Variants in TSG101 observed in about 807,000 individuals in gnomAD.
TSG101 encodes tumor susceptibility 101, also known as tumor susceptibility gene 101 protein.
TSG101 carries 19 observed loss-of-function variants against 48.5 expected under a neutral mutation model. The ratio of observed to expected loss-of-function variants is 0.39; its 90% confidence interval spans 0.27 to 0.58. The LOEUF is 0.58. Ranked by LOEUF, TSG101 falls within the 20% of genes least tolerant of loss-of-function variation. The pLI is 0.55. For missense variants in TSG101, 365 were observed against 484.4 expected, an observed-to-expected ratio of 0.75 and a Z score of 2.31; for synonymous variants, 174 against 169.4, an observed-to-expected ratio of 1.03 and a Z score of -0.21.
chr11:18,493,976 C>G (rs576861436), intron 7 of TSG101, among the ~76,000 whole-genome samples: 2 of 152,216 alleles, frequency 1.3e-5, no homozygotes, highest in Non-Finnish European at 2.9e-5. Flanking sequence ...GAAAAATGCG[C>G]TTTACTTGAG....
At chr11:18,507,763 C>T (rs1376940737) in intron 5 of TSG101, 2 of 152,110 alleles carry the variant, frequency 1.3e-5, no homozygotes, top group East Asian at 1.9e-4. Flanking sequence ...GAATACTGCA[C>T]TTCCAATGTC....
chr11:18,485,198 CA>C (rs967710853), intron 7 of TSG101, among the ~76,000 whole-genome samples: 1 of 152,078 alleles, frequency 6.6e-6, no homozygotes, highest in African/African-American at 2.4e-5. Flanking sequence ...TCTAAACTAA[CA>C]AAAAAGTTTA....
chr11:18,517,466 G>T (rs988332296), intron 2 of TSG101, among the ~76,000 whole-genome samples: 1 of 152,152 alleles, frequency 6.6e-6, no homozygotes, highest in Non-Finnish European at 1.5e-5. Context: ...TAGAGGAAAG[G>T]TTGTAATGTG....
intron 9 of TSG101, chr11:18,481,388 T>TA (rs939521858): frequency 1.5e-6 from 2 of 1,295,698 alleles, no homozygotes; most frequent in Non-Finnish European, 2.0e-6. Context: ...ACACTCATCT[T>TA]AATGCTGCCT....
chr11:18,487,258 A>G (rs1314542716), intron 7 of TSG101, among the ~76,000 whole-genome samples: 1 of 138,998 alleles, frequency 7.2e-6, no homozygotes, highest in Admixed American at 7.3e-5. Context: ...AACTTAAAGT[A>G]TAATAAAAAA....
intron 6 of TSG101, among the ~76,000 whole-genome samples, chr11:18,503,195 C>A (rs1342118403): frequency 6.6e-6 from 1 of 152,128 alleles, no homozygotes; most frequent in Non-Finnish European, 1.5e-5. Context: ...TTTATAACAT[C>A]CCTGACAAAT....
intron 5 of TSG101, chr11:18,507,706 A>T (rs1234144649): frequency 6.6e-6 from 1 of 152,192 alleles, no homozygotes; most frequent in Non-Finnish European, 1.5e-5. Context: ...ACAGTGACTG[A>T]GTACAAAATT....
At chr11:18,513,541 C>T (rs2133927839) in intron 4 of TSG101, among the ~76,000 whole-genome samples, 1 of 152,196 alleles carries the variant, frequency 6.6e-6, no homozygotes, top group South Asian at 2.1e-4. Flanking sequence ...CTCAAGCAAT[C>T]CTCCTGCCTC....
chr11:18,519,770 C>G (rs1456624962), intron 1 of TSG101, among the ~76,000 whole-genome samples, 167 bp from the exon 2 acceptor site: 1 of 152,150 alleles, frequency 6.6e-6, no homozygotes, highest in African/African-American at 2.4e-5. Context: ...TCACTATTTT[C>G]TTAACATCAG....
chr11:18,517,549 A>G (rs1462096611), intron 2 of TSG101, among the ~76,000 whole-genome samples: 1 of 152,210 alleles, frequency 6.6e-6, no homozygotes, highest in East Asian at 1.9e-4. Flanking sequence ...ACATAAGAAC[A>G]CTGGTCCCAT....
chr11:18,480,995 A>C (rs1849528025), intron 9 of TSG101, among the ~76,000 whole-genome samples: 1 of 152,130 alleles, frequency 6.6e-6, no homozygotes. Context: ...CCATTCCCCC[A>C]CAGTGAGAGG....
At chr11:18,499,572 G>A (rs568574652) in intron 7 of TSG101, among the ~76,000 whole-genome samples, 123 of 148,456 alleles carry the variant, frequency 8.3e-4, no homozygotes, top group Non-Finnish European at 1.4e-3. Flanking sequence ...CACCACGCCC[G>A]GCTAATTTTT....
chr11:18,481,446 G>A, intron 9 of TSG101, 184 bp downstream of exon 9: 1 of 1,398,960 alleles, frequency 7.1e-7, no homozygotes, highest in South Asian at 1.6e-5. Context: ...CCCCTGCTCA[G>A]ACCAATCCTC....
chr11:18,482,895 TCAAA>T (rs1849563028), intron 8 of TSG101, among the ~76,000 whole-genome samples: 1 of 152,192 alleles, frequency 6.6e-6, no homozygotes, highest in Non-Finnish European at 1.5e-5. Flanking sequence ...CATCAAGCAC[TCAAA>T]CAGTCCTCCT....
chr11:18,492,555 T>C (rs552065525), intron 7 of TSG101, among the ~76,000 whole-genome samples: 23 of 152,260 alleles, frequency 1.5e-4, no homozygotes, highest in African/African-American at 5.3e-4. Context: ...GCTACCATAA[T>C]ACCACCAAAT....
intron 7 of TSG101, among the ~76,000 whole-genome samples, chr11:18,484,491 G>A (rs1474133949): frequency 1.3e-5 from 2 of 152,236 alleles, no homozygotes; most frequent in Middle Eastern, 3.2e-3. Flanking sequence ...AGTGCCCACT[G>A]TAGAGGCCAG....
At chr11:18,524,502 A>C (rs1200364236) in intron 1 of TSG101, among the ~76,000 whole-genome samples, 2 of 152,240 alleles carry the variant, frequency 1.3e-5, no homozygotes, top group East Asian at 3.8e-4. Flanking sequence ...AAAACATTTG[A>C]AGCCCTTCTT....
chr11:18,514,323 C>T (rs1283193703), intron 4 of TSG101, among the ~76,000 whole-genome samples: 1 of 152,098 alleles, frequency 6.6e-6, no homozygotes, highest in Non-Finnish European at 1.5e-5. Context: ...CAGAAGTTCC[C>T]TACTATTATT....
chr11:18,509,742 C>T (rs746415929), intron 4 of TSG101, 77 bp from the exon 5 acceptor site: 28 of 1,426,592 alleles, frequency 2.0e-5, no homozygotes, highest in South Asian at 3.3e-5. Flanking sequence ...CATTTCTCAT[C>T]GGTTTTCAAC....
Sources: gnomAD v4.1 joint callset for allele counts (sites outside exome capture counted in the v4.1 genomes callset) on GRCh38, gnomAD v4.1.1 for gene constraint, MANE v1.5 for transcripts, NCBI Gene and HGNC (gene_info 2026-07-23, HGNC 2026-07-21) for gene names.